Variants in PAH observed in about 807,000 individuals in gnomAD.
The protein encoded by PAH is phenylalanine hydroxylase.
PAH carries 64 observed loss-of-function variants against 62.0 expected under a neutral mutation model. The observed-to-expected ratio is 1.03, with a 90% CI of 0.84 to 1.27. The LOEUF (loss-of-function observed/expected upper bound fraction) is 1.27, where lower values mean the gene tolerates loss of function less well. Ranked by LOEUF, PAH falls within the 50% of genes most tolerant of loss-of-function variation. The pLI, the probability that PAH is intolerant of heterozygous loss-of-function variation, is 0.00. For synonymous variants in PAH, 195 were observed against 196.2 expected, an observed-to-expected ratio of 0.99 and a Z score of 0.05; for missense variants, 579 against 542.8, an observed-to-expected ratio of 1.07 and a Z score of -0.66.
At chr12:102,923,020 T>A (rs976058660) in intron 1 of PAH, among the ~76,000 whole-genome samples, 1 of 152,208 alleles carries the variant, frequency 6.6e-6, no homozygotes, top group Non-Finnish European at 1.5e-5. Flanking sequence ...ATGTCCACTT[T>A]CCCTATAGTT....
intron 3 of PAH, among the ~76,000 whole-genome samples, chr12:102,883,109 C>T (rs986761605): frequency 5.3e-5 from 8 of 152,120 alleles, no homozygotes; most frequent in African/African-American, 1.7e-4. Flanking sequence ...TTAGATTTAT[C>T]GGCGCAGCAA....
At chr12:102,951,042 C>A (rs781369929), upstream of PAH, among the ~76,000 whole-genome samples, 1 of 143,344 alleles carries the variant, frequency 7.0e-6, no homozygotes, top group Non-Finnish European at 1.5e-5. Context: ...TGAGAAGGAG[C>A]AATCAAGTTT....
intron 1 of PAH, among the ~76,000 whole-genome samples, chr12:102,942,608 A>G (rs1269815709): frequency 1.4e-4 from 22 of 152,078 alleles, no homozygotes; most frequent in Admixed American, 1.4e-3. Context: ...AGGTATTCAA[A>G]ACAATCCTAA....
intron 1 of PAH, among the ~76,000 whole-genome samples, chr12:102,931,511 A>G (rs1565879463): frequency 6.6e-6 from 1 of 152,156 alleles, no homozygotes; most frequent in Non-Finnish European, 1.5e-5. Flanking sequence ...TAGGTAGAAA[A>G]ACTAGCCAAA....
At chr12:102,843,015 A>G (rs959248104) in intron 11 of PAH, among the ~76,000 whole-genome samples, 1 of 151,872 alleles carries the variant, frequency 6.6e-6, no homozygotes, top group Non-Finnish European at 1.5e-5. Context: ...TCCCAGAACC[A>G]CTCCATCAGC....
intron 3 of PAH, among the ~76,000 whole-genome samples, chr12:102,879,281 G>A (rs918576141): frequency 2.0e-5 from 3 of 152,032 alleles, no homozygotes; most frequent in African/African-American, 7.3e-5. Context: ...TGAGAAACAA[G>A]CAAAGGGCGC....
chr12:102,867,860 C>T, intron 4 of PAH, among the ~76,000 whole-genome samples: 1 of 128,732 alleles, frequency 7.8e-6, no homozygotes, highest in Admixed American at 7.9e-5. Flanking sequence ...TATGTATATA[C>T]ATATATAGAT....
At chr12:102,911,083 G>A (rs1453639820) in intron 2 of PAH, among the ~76,000 whole-genome samples, 4 of 152,142 alleles carry the variant, frequency 2.6e-5, no homozygotes, top group African/African-American at 7.2e-5. Context: ...GCAGGTCCAC[G>A]GAAATGGAAG....
chr12:102,919,041 C>T (rs75250612), upstream of PAH, among the ~76,000 whole-genome samples: 563 of 152,294 alleles, frequency 3.7e-3, 1 homozygote, highest in African/African-American at 0.013. Context: ...ACGCTCTCCA[C>T]GTGCATGGTT....
intron 2 of PAH, among the ~76,000 whole-genome samples, chr12:102,899,805 GC>G (rs1877665015): frequency 8.7e-6 from 1 of 115,586 alleles, no homozygotes; most frequent in Non-Finnish European, 1.7e-5. Flanking sequence ...CTTGCAGTGA[GC>G]CGAGATCCCG....
chr12:102,890,832 C>T (rs1290559396), intron 3 of PAH, among the ~76,000 whole-genome samples: 2 of 152,188 alleles, frequency 1.3e-5, no homozygotes, highest in Non-Finnish European at 2.9e-5. Context: ...CTTGTAATCT[C>T]AGCACTTTGG....
intron 1 of PAH, among the ~76,000 whole-genome samples, chr12:102,927,207 C>T (rs893293198): frequency 6.6e-5 from 10 of 151,788 alleles, no homozygotes; most frequent in African/African-American, 2.2e-4. Flanking sequence ...CTAGGGGAGG[C>T]TGCCAAAATG....
At chr12:102,867,606 C>G (rs1317154186) in intron 4 of PAH, among the ~76,000 whole-genome samples, 1 of 152,120 alleles carries the variant, frequency 6.6e-6, no homozygotes, top group Non-Finnish European at 1.5e-5. Flanking sequence ...GTAAGCCATG[C>G]CATCCACCAC....
chr12:102,918,900 A>C (rs760184809), upstream of PAH, among the ~76,000 whole-genome samples: 9 of 152,242 alleles, frequency 5.9e-5, no homozygotes, highest in Non-Finnish European at 1.3e-4. Flanking sequence ...TTACAAACAT[A>C]ATTTCATCCC....
At chr12:102,929,686 C>G (rs977985926) in intron 1 of PAH, among the ~76,000 whole-genome samples, 16 of 152,130 alleles carry the variant, frequency 1.1e-4, no homozygotes, top group Non-Finnish European at 1.8e-4. Context: ...GGTGATTGCA[C>G]TTGTCCAGGT....
chr12:102,856,587 A>AG (rs1474187281), intron 5 of PAH, among the ~76,000 whole-genome samples: 2 of 152,210 alleles, frequency 1.3e-5, no homozygotes, highest in African/African-American at 4.8e-5. Flanking sequence ...ACCCCCCAGC[A>AG]GGGGCAGACT....
intron 3 of PAH, among the ~76,000 whole-genome samples, chr12:102,889,424 TAGATA>T (rs1330111027): frequency 6.6e-6 from 1 of 151,542 alleles, no homozygotes; most frequent in African/African-American, 2.4e-5. Flanking sequence ...GATAGATAGA[TAGATA>T]GATAGATAGA....
chr12:102,921,510 T>C (rs1178369229), upstream of PAH, among the ~76,000 whole-genome samples: 2 of 152,172 alleles, frequency 1.3e-5, no homozygotes, highest in Non-Finnish European at 2.9e-5. Context: ...GATTAAACAA[T>C]AAAACAAGTA....
At chr12:102,951,066 G>A (rs111621291), upstream of PAH, among the ~76,000 whole-genome samples, 1 of 150,390 alleles carries the variant, frequency 6.6e-6, no homozygotes, top group Non-Finnish European at 1.5e-5. Context: ...CGTGGGGGGG[G>A]AAGCAGGATT....
Sources: allele counts gnomAD v4.1 joint callset (sites outside exome capture counted in the v4.1 genomes callset), GRCh38; gene constraint gnomAD v4.1.1; transcripts MANE v1.5; gene names NCBI Gene and HGNC (gene_info 2026-07-23, HGNC 2026-07-21).